Variants in NAALADL2 observed in about 807,000 individuals in gnomAD.
NAALADL2 encodes the protein inactive N-acetylated-alpha-linked acidic dipeptidase-like protein 2.
NAALADL2 carries 76 observed loss-of-function variants against 87.2 expected under a neutral mutation model. The ratio of observed to expected loss-of-function variants is 0.87; its 90% CI spans 0.72 to 1.05. NAALADL2 has a LOEUF of 1.05. Among genes scored for constraint, NAALADL2 ranks in the 50% least tolerant of loss-of-function variants. NAALADL2 has a pLI of 0.00. For missense variants in NAALADL2, 1,089 were observed against 945.8 expected, an observed-to-expected ratio of 1.15 and a Z score of -1.99; for synonymous variants, 354 against 331.0, an observed-to-expected ratio of 1.07 and a Z score of -0.75.
intron 5 of NAALADL2, among the ~76,000 whole-genome samples, chr3:175,328,459 G>T (rs555270560): frequency 6.6e-6 from 1 of 151,374 alleles, no homozygotes; most frequent in Non-Finnish European, 1.5e-5. Flanking sequence ...TGTAAATTGC[G>T]GGGGAGGCAG....
chr3:174,669,769 CA>C (rs1175514337), intron 2 of NAALADL2, among the ~76,000 whole-genome samples: 1 of 151,490 alleles, frequency 6.6e-6, no homozygotes, highest in African/African-American at 2.4e-5. Flanking sequence ...TCTATTTTTG[CA>C]AAAAATGCCA....
At chr3:175,371,471 G>A (rs1020837861) in intron 5 of NAALADL2, among the ~76,000 whole-genome samples, 2 of 152,024 alleles carry the variant, frequency 1.3e-5, no homozygotes, top group Non-Finnish European at 1.5e-5. Context: ...GTTTCACCGT[G>A]TTAGTCAAGA....
At chr3:175,315,781 T>C (rs1759066357) in intron 4 of NAALADL2, among the ~76,000 whole-genome samples, 1 of 152,206 alleles carries the variant, frequency 6.6e-6, no homozygotes, top group African/African-American at 2.4e-5. Context: ...CAGTTTTCTT[T>C]ATATTGTGGC....
chr3:174,636,471 A>G (rs191122555), intron 2 of NAALADL2, among the ~76,000 whole-genome samples: 2 of 152,304 alleles, frequency 1.3e-5, no homozygotes, highest in Non-Finnish European at 2.9e-5. Context: ...TATACAAATA[A>G]TACCATTAAA....
chr3:174,817,464 C>T (rs144374898), intron 3 of NAALADL2, among the ~76,000 whole-genome samples: 38 of 152,118 alleles, frequency 2.5e-4, no homozygotes, highest in Middle Eastern at 3.4e-3. Flanking sequence ...TAGACAGGCA[C>T]GGTGCCACAT....
chr3:175,716,136 A>G lies in NAALADL2; in HGVS notation c.1897-21170A>G, dbSNP rs28490258. 2.5e-3 allele frequency among the ~76,000 whole-genome samples: 372 copies of G among 146,974 alleles called. 4 individuals are homozygous for G. The highest frequency in any genetic ancestry group is 8.6e-3 in the African/African-American group (347 of 40,260). The stretch of plus-strand genomic sequence containing the variant: ...TATATGTAATTTATTGGAATACATA[A>G]GGAATACATGTTATATATAATATAT... On this transcript the variant is annotated intron_variant, in intron 11 of 13. Transcript: ENST00000454872.
intron 11 of NAALADL2, among the ~76,000 whole-genome samples, chr3:175,672,034 CA>C (rs759312508): frequency 4.9e-4 from 75 of 152,056 alleles, no homozygotes; most frequent in Middle Eastern, 3.4e-3. Flanking sequence ...AAAGTGTTAC[CA>C]AAAAAGATCA....
chr3:175,248,352 G>A (rs956662089), intron 3 of NAALADL2, among the ~76,000 whole-genome samples: 4 of 152,174 alleles, frequency 2.6e-5, no homozygotes, highest in Non-Finnish European at 5.9e-5. Context: ...TAACAGTGCT[G>A]GGTATATAGA....
chr3:174,659,717 T>A (rs1277931414), intron 2 of NAALADL2, among the ~76,000 whole-genome samples: 2 of 152,172 alleles, frequency 1.3e-5, no homozygotes, highest in African/African-American at 4.8e-5. Context: ...TATTTATCCC[T>A]ACTTCCCTGG....
chr3:174,520,954 C>T (rs1007055452), intron 1 of NAALADL2, among the ~76,000 whole-genome samples: 1 of 151,982 alleles, frequency 6.6e-6, no homozygotes, highest in Non-Finnish European at 1.5e-5. Flanking sequence ...CAAACTAAAA[C>T]CACAATAAGA....
chr3:175,100,232 C>A (rs1207901874), intron 2 of NAALADL2, among the ~76,000 whole-genome samples: 1 of 151,898 alleles, frequency 6.6e-6, no homozygotes, highest in Non-Finnish European at 1.5e-5. Context: ...GCATGTAAAG[C>A]TTGAAAAAAA....
At chr3:175,108,365 C>T (rs1386441142) in intron 2 of NAALADL2, among the ~76,000 whole-genome samples, 1 of 151,858 alleles carries the variant, frequency 6.6e-6, no homozygotes, top group Non-Finnish European at 1.5e-5. Flanking sequence ...TCACAGAGAG[C>T]ACCTTAACAT....
chr3:175,741,027 G>A (rs1745169034), intron 12 of NAALADL2, among the ~76,000 whole-genome samples: 1 of 152,176 alleles, frequency 6.6e-6, no homozygotes, highest in African/African-American at 2.4e-5. Flanking sequence ...ACACAAGAGA[G>A]TAAAGGGAGA....
chr3:174,528,976 C>T (rs1053384577), intron 1 of NAALADL2, among the ~76,000 whole-genome samples: 1 of 152,106 alleles, frequency 6.6e-6, no homozygotes, highest in African/African-American at 2.4e-5. Context: ...TCTCACGTCC[C>T]CACATTTCAA....
chr3:175,433,573 A>G (rs1718135044), intron 5 of NAALADL2, among the ~76,000 whole-genome samples: 1 of 151,992 alleles, frequency 6.6e-6, no homozygotes, highest in South Asian at 2.1e-4. Flanking sequence ...CTGTGCCACT[A>G]TGGCCTTCGC....
At chr3:175,188,180 A>T (rs1737622537) in intron 2 of NAALADL2, among the ~76,000 whole-genome samples, 1 of 152,180 alleles carries the variant, frequency 6.6e-6, no homozygotes. Flanking sequence ...TGTAGTTTTG[A>T]CCTGTAATAC....
chr3:174,518,237 T>C (rs1720051640), intron 1 of NAALADL2, among the ~76,000 whole-genome samples: 1 of 152,258 alleles, frequency 6.6e-6, no homozygotes, highest in Middle Eastern at 3.4e-3. Flanking sequence ...GGCAAATTTT[T>C]TTAAAATACT....
chr3:174,663,734 C>T (rs554508440), intron 2 of NAALADL2, among the ~76,000 whole-genome samples: 1 of 152,034 alleles, frequency 6.6e-6, no homozygotes, highest in African/African-American at 2.4e-5. Context: ...GACAAATATC[C>T]AAACTATGTC....
At chr3:174,641,463 A>C (rs1723181207) in intron 2 of NAALADL2, among the ~76,000 whole-genome samples, 1 of 152,214 alleles carries the variant, frequency 6.6e-6, no homozygotes, top group Non-Finnish European at 1.5e-5. Flanking sequence ...TAGCAACAGG[A>C]AAATGCATGA....
Sources: allele counts gnomAD v4.1 joint callset (sites outside exome capture counted in the v4.1 genomes callset), GRCh38; gene constraint gnomAD v4.1.1; transcripts MANE v1.5; gene names NCBI Gene and HGNC (gene_info 2026-07-23, HGNC 2026-07-21).